Variants in AGBL4 observed in about 807,000 individuals in gnomAD.
AGBL4 encodes the protein cytosolic carboxypeptidase 6.
In AGBL4, 58 loss-of-function variants were observed where a neutral mutation model predicts 66.4. The observed-to-expected ratio is 0.87, with a 90% CI of 0.71 to 1.09. The LOEUF is 1.09. Among genes scored for constraint, AGBL4 ranks in the 50% least tolerant of loss-of-function variants. The pLI, the probability that AGBL4 is intolerant of heterozygous loss-of-function variation, is 0.00. For synonymous variants in AGBL4, 234 were observed against 222.9 expected (o/e 1.05, Z -0.44); for missense variants, 579 against 631.0 (o/e 0.92, Z 0.88).
At chr1:49,902,584 T>A (rs531285526) in intron 1 of AGBL4, among the ~76,000 whole-genome samples, 165 of 151,930 alleles carry the variant, frequency 1.1e-3, no homozygotes, top group Admixed American at 5.0e-3. Context: ...CTGTCTCTAC[T>A]AAAAATACAA....
intron 3 of AGBL4, among the ~76,000 whole-genome samples, chr1:49,584,670 A>G (rs1241065075): frequency 1.3e-5 from 2 of 152,246 alleles, no homozygotes; most frequent in African/African-American, 2.4e-5. Context: ...ACCGAAAACA[A>G]TATTATGAAT....
intron 3 of AGBL4, among the ~76,000 whole-genome samples, chr1:49,644,379 TAAGA>T (rs1645843371): frequency 6.6e-6 from 1 of 151,570 alleles, no homozygotes; most frequent in Admixed American, 6.6e-5. Flanking sequence ...GGTTCAAAAG[TAAGA>T]TTCAACTAGG....
intron 6 of AGBL4, among the ~76,000 whole-genome samples, chr1:48,808,194 A>G (rs1645971092): frequency 6.6e-6 from 1 of 152,174 alleles, no homozygotes; most frequent in Non-Finnish European, 1.5e-5. Context: ...CCACATCTAT[A>G]AAATGGAATG....
intron 3 of AGBL4, among the ~76,000 whole-genome samples, chr1:49,541,583 G>A (rs1027116048): frequency 1.7e-4 from 26 of 152,168 alleles, no homozygotes; most frequent in Admixed American, 1.3e-3. Context: ...GGCAGGGCTC[G>A]GGACCTGCAG....
chr1:48,540,529 T>A (rs1644049531), intron 11 of AGBL4, among the ~76,000 whole-genome samples: 1 of 152,156 alleles, frequency 6.6e-6, no homozygotes, highest in African/African-American at 2.4e-5. Flanking sequence ...TCTAATGAGG[T>A]GATATCTCTT....
rs1364372292 is a variant in AGBL4, at chr1:48,922,874, T to C, written c.595-55644A>G. Among the ~76,000 whole-genome samples, 3 of 151,820 alleles carry C rather than the reference T, an allele frequency of 2.0e-5. No individual in the cohort carries two copies. The East Asian group carries it at 5.8e-4, about 29-fold the overall frequency. ...ATAATGTGGGAAAATGCTCACAGTATATTAAATGATATATAAATGATATAT... is the reference window on the plus strand; with the variant it reads ...ATAATGTGGGAAAATGCTCACAGTACATTAAATGATATATAAATGATATAT... On this transcript the variant is annotated intron_variant, in intron 5 of 13. Coordinates refer to ENST00000371839, the MANE Select transcript of AGBL4 (RefSeq NM_032785.4).
intron 4 of AGBL4, among the ~76,000 whole-genome samples, chr1:49,178,804 A>G (rs1373422630): frequency 6.6e-6 from 1 of 152,170 alleles, no homozygotes; most frequent in Non-Finnish European, 1.5e-5. Context: ...ATGCTCTGTG[A>G]ATGTTTGTCG....
chr1:48,635,599 C>A (rs550543826), intron 8 of AGBL4, among the ~76,000 whole-genome samples: 1 of 152,326 alleles, frequency 6.6e-6, no homozygotes, highest in East Asian at 1.9e-4. Context: ...TGACCCTGGG[C>A]AAGTCCCTTG....
chr1:49,846,494 GTCT>G (rs781536092), intron 2 of AGBL4: 224 of 925,766 alleles, frequency 2.4e-4, no homozygotes, highest in Non-Finnish European at 3.4e-4. Context: ...AGAAACATAT[GTCT>G]TTATCAACAG....
chr1:49,137,439 G>A (rs1646033370), intron 4 of AGBL4, among the ~76,000 whole-genome samples: 1 of 152,158 alleles, frequency 6.6e-6, no homozygotes, highest in African/African-American at 2.4e-5. Flanking sequence ...AATAGCTGGT[G>A]TAATCATTGG....
chr1:49,069,803 ATC>A (rs1644564073), intron 4 of AGBL4, among the ~76,000 whole-genome samples: 1 of 151,904 alleles, frequency 6.6e-6, no homozygotes, highest in Admixed American at 6.6e-5. Context: ...ATAGCATTGA[ATC>A]TATAAATTAC....
intron 2 of AGBL4, among the ~76,000 whole-genome samples, chr1:49,842,884 C>T (rs6675647): frequency 0.05 from 7,536 of 152,230 alleles, 572 homozygotes; most frequent in African/African-American, 0.16. Flanking sequence ...ATGCATCAGT[C>T]AGTTCTCGCA....
At chr1:48,940,473 C>T (rs1292671382) in intron 5 of AGBL4, among the ~76,000 whole-genome samples, 1 of 152,192 alleles carries the variant, frequency 6.6e-6, no homozygotes, top group African/African-American at 2.4e-5. Flanking sequence ...GAACTAGATC[C>T]TTTCACCACC....
chr1:49,074,337 C>T (rs1054618028), intron 4 of AGBL4, among the ~76,000 whole-genome samples: 9 of 152,218 alleles, frequency 5.9e-5, no homozygotes, highest in African/African-American at 2.2e-4. Context: ...CCCCTGACCC[C>T]TTGCACTTCC....
intron 3 of AGBL4, among the ~76,000 whole-genome samples, chr1:49,559,904 C>A (rs1643992638): frequency 6.6e-6 from 1 of 152,130 alleles, no homozygotes; most frequent in Admixed American, 6.5e-5. Context: ...AACTCCCTTT[C>A]ATATATACAT....
intron 5 of AGBL4, among the ~76,000 whole-genome samples, chr1:48,976,385 G>A (rs1659338443): frequency 2.0e-5 from 3 of 152,062 alleles, no homozygotes; most frequent in African/African-American, 4.8e-5. Flanking sequence ...TCTCTGATAT[G>A]GTACCATTGA....
intron 9 of AGBL4, among the ~76,000 whole-genome samples, chr1:48,612,590 A>G (rs1645255627): frequency 6.6e-6 from 1 of 152,218 alleles, no homozygotes; most frequent in African/African-American, 2.4e-5. Flanking sequence ...TTGAAATCCT[A>G]CAGCCCAGAA....
At chr1:49,082,036 A>G (rs1235128968) in intron 4 of AGBL4, among the ~76,000 whole-genome samples, 2 of 152,204 alleles carry the variant, frequency 1.3e-5, no homozygotes, top group Non-Finnish European at 2.9e-5. Context: ...GATTAAGAGG[A>G]GGGCCACCAA....
At chr1:49,410,137 G>A (rs1202525850) in intron 3 of AGBL4, among the ~76,000 whole-genome samples, 5 of 152,134 alleles carry the variant, frequency 3.3e-5, no homozygotes. Flanking sequence ...TCTTAAGGAT[G>A]TATAATATGG....
Sources: allele counts gnomAD v4.1 joint callset (sites outside exome capture counted in the v4.1 genomes callset), GRCh38; gene constraint gnomAD v4.1.1; transcripts MANE v1.5; gene names NCBI Gene and HGNC (gene_info 2026-07-23, HGNC 2026-07-21).